The following FNDC1 variants were observed in gnomAD, a reference collection of about 807,000 sequenced individuals.
FNDC1 encodes fibronectin type III domain-containing protein 1.
In FNDC1, 96 loss-of-function variants were observed where a neutral mutation model predicts 168.0. That is an observed-to-expected ratio of 0.57 (90% confidence interval 0.48 to 0.68). The LOEUF is 0.68. FNDC1 is among the 30% of genes least tolerant of loss of function. The pLI, the probability that FNDC1 is intolerant of heterozygous loss-of-function variation, is 0.00. For synonymous variants in FNDC1, 1,099 were observed against 1,025.9 expected (o/e 1.07, Z -1.36); for missense variants, 2,587 against 2,482.1 (o/e 1.04, Z -0.90).
At chr6:159,227,302 C>G (rs1339792811) in intron 9 of FNDC1, among the ~76,000 whole-genome samples, 2 of 152,142 alleles carry the variant, frequency 1.3e-5, no homozygotes, top group African/African-American at 2.4e-5. Context: ...CAAATGTACT[C>G]TAAGGGTAGG....
At chr6:159,204,735 T>C (rs1008101443) in intron 4 of FNDC1, among the ~76,000 whole-genome samples, 2 of 152,224 alleles carry the variant, frequency 1.3e-5, no homozygotes, top group Non-Finnish European at 2.9e-5. Flanking sequence ...CTGATCTGAT[T>C]TGAGTTACAA....
At chr6:159,269,495 T>C (rs138313045) in intron 22 of FNDC1, among the ~76,000 whole-genome samples, 9,040 of 57,432 alleles carry the variant, frequency 0.16, 435 homozygotes, top group Non-Finnish European at 0.17. Context: ...TCTATCTATC[T>C]ATCTATCCAT....
chr6:159,245,257 A>G (rs1783515483), intron 14 of FNDC1, among the ~76,000 whole-genome samples: 1 of 152,202 alleles, frequency 6.6e-6, no homozygotes, highest in Non-Finnish European at 1.5e-5. Context: ...CAGCCAAACC[A>G]TATCAGCTGA....
intron 22 of FNDC1, among the ~76,000 whole-genome samples, chr6:159,269,270 A>ATCTG (rs1777669716): frequency 1.2e-5 from 1 of 81,464 alleles, no homozygotes; most frequent in African/African-American, 3.2e-5. Flanking sequence ...CTATCTATCT[A>ATCTG]TCTATCTATC....
At chr6:159,270,259 A>G (rs1275544679) in intron 22 of FNDC1, among the ~76,000 whole-genome samples, 1 of 152,234 alleles carries the variant, frequency 6.6e-6, no homozygotes, top group Admixed American at 6.5e-5. Flanking sequence ...ACTGGGTAAC[A>G]TAGCAAGATC....
At chr6:159,213,198 C>T (rs772725236) in intron 4 of FNDC1, among the ~76,000 whole-genome samples, 5 of 152,160 alleles carry the variant, frequency 3.3e-5, no homozygotes, top group East Asian at 1.9e-4. Context: ...AAGGGGGAAG[C>T]GTGTGCAATG....
rs146758469 is a variant in FNDC1 at position 159,267,442 on chromosome 6, A to G, written c.5447-362A>G. On this transcript the variant is annotated intron_variant, in intron 21 of 22. Transcript: ENST00000297267. ...AAAATAGATTCTTCTATTTGTATAGACCTTCCTGCCTTTCATAGTAACTTC... is the reference window on the plus strand; with the variant it reads ...AAAATAGATTCTTCTATTTGTATAGGCCTTCCTGCCTTTCATAGTAACTTC... Among the ~76,000 whole-genome samples, 24 of 152,124 alleles carry G rather than the reference A, an allele frequency of 1.6e-4. No individual in the cohort carries two copies. The East Asian group carries it at 4.6e-3, about 29-fold the overall frequency.
chr6:159,256,112 A>C (rs1302229141), intron 17 of FNDC1, among the ~76,000 whole-genome samples: 6 of 152,188 alleles, frequency 3.9e-5, no homozygotes, highest in Non-Finnish European at 8.8e-5. Context: ...GCATCCACCA[A>C]CAACATTCTT....
chr6:159,262,469 G>T, intron 19 of FNDC1, among the ~76,000 whole-genome samples: 1 of 152,150 alleles, frequency 6.6e-6, no homozygotes, highest in South Asian at 2.1e-4. Flanking sequence ...TAGTAATTAG[G>T]AAACAGCAAG....
At chr6:159,220,371 T>C (rs904085911) in intron 5 of FNDC1, among the ~76,000 whole-genome samples, 2 of 152,238 alleles carry the variant, frequency 1.3e-5, no homozygotes, top group Admixed American at 6.5e-5. Context: ...TCACTTCCGT[T>C]AACTTACTTA....
intron 7 of FNDC1, among the ~76,000 whole-genome samples, chr6:159,224,691 T>C (rs532660792): frequency 1.4e-4 from 21 of 152,350 alleles, no homozygotes; most frequent in Admixed American, 2.0e-4. Context: ...AGGCTTGAGT[T>C]TTCTTAGCAG....
chr6:159,223,900 G>A lies in FNDC1; in HGVS notation c.884+255G>A, dbSNP rs116113292. Among the ~76,000 whole-genome samples, 501 of 152,266 alleles carry A rather than the reference G, an allele frequency of 3.3e-3. 3 individuals carry two copies. Among genetic ancestry groups the A allele is most frequent in the African/African-American group, 0.012 (486 of 41,564 alleles). On this transcript the variant is annotated intron_variant, in intron 7 of 22. Coordinates refer to ENST00000297267, the MANE Select transcript of FNDC1 (RefSeq NM_032532.3). ...GGAATTCACATCTCACTTGCTCAGTGATTTATCTTGTGTCTGGAAATTTCC... is the reference window on the plus strand; with the variant it reads ...GGAATTCACATCTCACTTGCTCAGTAATTTATCTTGTGTCTGGAAATTTCC...
intron 22 of FNDC1, among the ~76,000 whole-genome samples, chr6:159,270,634 C>CA (rs1349799737): frequency 6.6e-6 from 1 of 152,090 alleles, no homozygotes; most frequent in African/African-American, 2.4e-5. Flanking sequence ...ATTGAGTTTC[C>CA]AGAAAAATTT....
chr6:159,174,536 T>G (rs1273225406), intron 1 of FNDC1, among the ~76,000 whole-genome samples: 1 of 152,284 alleles, frequency 6.6e-6, no homozygotes, highest in Non-Finnish European at 1.5e-5. Flanking sequence ...TGCGGCTTTA[T>G]AGAGATAAGA....
intron 6 of FNDC1, 80 bp downstream of exon 6, chr6:159,221,776 G>A: frequency 9.1e-7 from 1 of 1,100,336 alleles, no homozygotes; most frequent in South Asian, 1.3e-5. Flanking sequence ...CTGGCTGAAT[G>A]ATGAATTACA....
chr6:159,243,721 G>T (rs1187240607), intron 14 of FNDC1, among the ~76,000 whole-genome samples: 1 of 152,098 alleles, frequency 6.6e-6, no homozygotes, highest in African/African-American at 2.4e-5. Context: ...CCAAAGTAAG[G>T]TGGTCAACTT....
At chr6:159,228,142 A>G (rs186659247) in intron 9 of FNDC1, among the ~76,000 whole-genome samples, 1 of 152,268 alleles carries the variant, frequency 6.6e-6, no homozygotes, top group East Asian at 1.9e-4. Context: ...TCTCTCCCTC[A>G]TCTGAGTTGA....
Position 159,261,169 on chromosome 6 carries a change from T to C in FNDC1, c.5175-21T>C, listed in dbSNP as rs539004517. The C allele has an allele frequency of 1.9e-6, 3 of 1,578,154 alleles. No homozygotes were observed. In the South Asian group the frequency reaches 3.4e-5, roughly 18 times the overall value. Reference sequence around the variant, plus strand: ...AATCAAATACATGTCTCTTTCAAAATATATCTTCTTCCAACTTCAGGTATT... The same window carrying C: ...AATCAAATACATGTCTCTTTCAAAACATATCTTCTTCCAACTTCAGGTATT... On this transcript the variant is annotated intron_variant, in intron 18 of 22. Transcript: ENST00000297267.
intron 1 of FNDC1, among the ~76,000 whole-genome samples, chr6:159,192,623 T>G (rs920802778): frequency 3.3e-5 from 5 of 152,214 alleles, no homozygotes; most frequent in African/African-American, 1.2e-4. Flanking sequence ...ATATTGAATT[T>G]CATTCTGAAA....
Sources: gnomAD v4.1 joint callset for allele counts (sites outside exome capture counted in the v4.1 genomes callset) on GRCh38, gnomAD v4.1.1 for gene constraint, MANE v1.5 for transcripts, NCBI Gene and HGNC (gene_info 2026-07-23, HGNC 2026-07-21) for gene names.